CDK13: variants seen among roughly 807,000 people sequenced by gnomAD.
CDK13 encodes cyclin dependent kinase 13.
Under a neutral mutation model 137.6 loss-of-function variants are expected in CDK13, and 40 were observed. The ratio of observed to expected loss-of-function variants is 0.29; its 90% CI spans 0.23 to 0.38. The LOEUF is 0.38. Ranked by LOEUF, CDK13 falls within the 10% of genes least tolerant of loss-of-function variation. The pLI, the probability that CDK13 is intolerant of heterozygous loss-of-function variation, is 1.00. For synonymous variants in CDK13, 869 were observed against 760.1 expected (o/e 1.14, Z -2.36); for missense variants, 1,704 against 1,951.8 (o/e 0.87, Z 2.39).
chr7:39,956,317 G>T (rs1787406694), intron 1 of CDK13, among the ~76,000 whole-genome samples: 1 of 152,150 alleles, frequency 6.6e-6, no homozygotes, highest in Non-Finnish European at 1.5e-5. Context: ...CAAAGTGATG[G>T]CCTTGTGTTT....
intron 3 of CDK13, 133 bp downstream of exon 3, chr7:39,997,797 A>T: frequency 1.5e-6 from 1 of 664,602 alleles, no homozygotes; most frequent in Admixed American, 3.6e-5. Flanking sequence ...TATGAATTCT[A>T]TTAGAGTTTT....
At position 40,094,534 on chromosome 7, in the gene CDK13, C is replaced by T. The variant is rs780622290; in HGVS notation, c.4093C>T (p.Arg1365Ter). ...AAGCAGTTCTGCTCCACCACTAGAA[C>T]GACGTAGTTTCATTGGAAATTCAGA... is the stretch of plus-strand genomic sequence containing the variant. ...LGSSSAPPLE[R>*]RSFIGNSDIQ... The change falls in exon 14 of 14, where the codon CGA becomes TGA. Residue 1365 changes from arginine (R) to a stop codon, truncating the protein, a stop_gained. Coordinates refer to ENST00000181839, the MANE Select transcript of CDK13 (RefSeq NM_003718.5). LOFTEE classifies it high-confidence loss of function. 1.2e-6 allele frequency: 2 copies of T among 1,611,804 alleles called. No individual in the cohort carries two copies. The highest frequency in any genetic ancestry group is 1.1e-5 in the South Asian group (1 of 90,854).
intron 7 of CDK13, among the ~76,000 whole-genome samples, chr7:40,052,852 C>T (rs556319595): frequency 6.6e-6 from 1 of 152,272 alleles, no homozygotes; most frequent in East Asian, 1.9e-4. Flanking sequence ...AGAAGGTGAT[C>T]TTCATCTGGA....
intron 5 of CDK13, among the ~76,000 whole-genome samples, chr7:40,004,875 ACAT>A (rs1313830312): frequency 7.2e-5 from 11 of 152,212 alleles, no homozygotes; most frequent in African/African-American, 2.7e-4. Context: ...TGTAAGAGAA[ACAT>A]CATAAATGCC....
rs11548117 is a variant in CDK13, at chr7:39,951,571, C to T, written c.930C>T (p.Tyr310=). 3.2e-3 allele frequency: 4,787 copies of T among 1,518,124 alleles called. 138 individuals are homozygous for T. In the African/African-American group the frequency reaches 0.061, roughly 19 times the overall value. 94.0% of individuals were successfully genotyped at this position (1,518,124 alleles called of 1,614,324 possible). The change falls in exon 1 of 14, where the codon TAC becomes TAT. Residue 310 remains tyrosine (Y), a synonymous_variant. Coordinates refer to ENST00000181839, the MANE Select transcript of CDK13 (RefSeq NM_003718.5). ...YREDKTEPKA[Y]RRRRSLSPLG... ...AGGACAAGACCGAGCCTAAGGCCTACAGGCGGCGGCGGTCCCTCAGCCCAC... is the reference window on the plus strand; with the variant it reads ...AGGACAAGACCGAGCCTAAGGCCTATAGGCGGCGGCGGTCCCTCAGCCCAC...
At position 39,951,427 on chromosome 7, in the gene CDK13, G is replaced by C. The variant is rs1038762671; in HGVS notation, c.786G>C (p.Ser262=). The C allele has an allele frequency of 1.3e-6, 2 of 1,527,688 alleles. No individual in the cohort carries two copies. The highest frequency in any genetic ancestry group is 1.8e-6 in the Non-Finnish European group (2 of 1,138,818). The allele number at this position is 1,527,688 out of a possible 1,614,324, so 94.6% of individuals were successfully genotyped here. A position where few individuals can be genotyped will look rare whatever the true frequency, so the allele number is the denominator to read the frequency against. Residue 262 remains serine, a synonymous_variant, in exon 1 of 14, where the codon TCG becomes TCC. Transcript: ENST00000181839. ...GCGGCGGCCGCCGGAAAAGCGCTTC[G>C]GCCACATCCAGCAGCAGTAGCAGCC... ...SSSGGRRKSA[S]ATSSSSSSRK...
chr7:39,951,567 C>A lies in CDK13; in HGVS notation c.926C>A (p.Ala309Asp). 6.6e-7 allele frequency: 1 copy of A among 1,523,896 alleles called. No individual in the cohort carries two copies. Among genetic ancestry groups the A allele is most frequent in the Non-Finnish European group, 8.8e-7 (1 of 1,137,816 alleles). The allele number at this position is 1,523,896 out of a possible 1,614,324, so 94.4% of individuals were successfully genotyped here. A position where few individuals can be genotyped will look rare whatever the true frequency, so the allele number is the denominator to read the frequency against. Residue 309 changes from alanine (A) to aspartate (D), a missense_variant, in exon 1 of 14, where the codon GCC (alanine) becomes GAC (aspartate). Physicochemically the swap from Ala to Asp is moderately radical, Grantham distance 126. Transcript: ENST00000181839. ...CGGGAGGACAAGACCGAGCCTAAGG[C>A]CTACAGGCGGCGGCGGTCCCTCAGC... ...AYREDKTEPKAYRRRRSLSPL... is the reference protein window; with the variant it reads ...AYREDKTEPKDYRRRRSLSPL...
intron 5 of CDK13, among the ~76,000 whole-genome samples, chr7:40,039,167 C>T (rs949516572): frequency 1.3e-5 from 2 of 151,998 alleles, no homozygotes; most frequent in Admixed American, 1.3e-4. Context: ...GCACTTTGCT[C>T]TTTTTTCGGA....
intron 7 of CDK13, among the ~76,000 whole-genome samples, chr7:40,058,752 C>A (rs1009410709): frequency 3.3e-5 from 5 of 151,946 alleles, no homozygotes; most frequent in Non-Finnish European, 7.4e-5. Context: ...AAGAATGACA[C>A]TTGGATTTTT....
chr7:40,055,690 T>G (rs1786004490), intron 7 of CDK13, among the ~76,000 whole-genome samples: 1 of 151,494 alleles, frequency 6.6e-6, no homozygotes, highest in Non-Finnish European at 1.5e-5. Flanking sequence ...GCAATTCTCA[T>G]GCCTCAGCCT....
At chr7:40,072,313 G>A (rs750110894) in intron 9 of CDK13, 4 of 152,250 alleles carry the variant, frequency 2.6e-5, no homozygotes, top group Non-Finnish European at 5.9e-5. Flanking sequence ...TTTCAGTAGA[G>A]ACAGGGTTTT....
At chr7:40,021,410 C>T (rs897263249) in intron 5 of CDK13, among the ~76,000 whole-genome samples, 1 of 151,952 alleles carries the variant, frequency 6.6e-6, no homozygotes. Flanking sequence ...GCAGGAGAAT[C>T]GCTTGAATCC....
At chr7:39,963,281 G>C (rs1021165521) in intron 1 of CDK13, among the ~76,000 whole-genome samples, 2 of 152,122 alleles carry the variant, frequency 1.3e-5, no homozygotes, top group African/African-American at 4.8e-5. Flanking sequence ...CCATTTGTTT[G>C]TGTCCTCTTT....
chr7:39,951,162 C>T lies in CDK13; in HGVS notation c.521C>T (p.Thr174Met), dbSNP rs995209864. Residue 174 changes from threonine to methionine, a missense_variant, in exon 1 of 14, where the codon ACG becomes ATG. Thr to Met is a moderately conservative substitution (Grantham distance 81). Coordinates refer to ENST00000181839, the MANE Select transcript of CDK13 (RefSeq NM_003718.5). ...ACGGCGGCGACGGCTGCCGGGGGAA[C>T]GGGGGGCAGCGGCGGGAGTCCGGCC... ...AATAATAAGG[T>M]GGSGGSPASS... 1.4e-4 allele frequency: 178 copies of T among 1,241,958 alleles called. No homozygotes were observed. The highest frequency in any genetic ancestry group is 1.7e-4 in the Non-Finnish European group (172 of 994,762). 76.9% of individuals were successfully genotyped at this position (1,241,958 alleles called of 1,614,324 possible).
At chr7:40,014,580 G>C (rs1463350702) in intron 5 of CDK13, among the ~76,000 whole-genome samples, 1 of 150,034 alleles carries the variant, frequency 6.7e-6, no homozygotes, top group Non-Finnish European at 1.5e-5. Context: ...TCAGCCTCCC[G>C]AGGAGCTGGG....
chr7:40,082,246 T>C lies in CDK13; in HGVS notation c.3029+3395T>C, dbSNP rs187193128. On this transcript the variant is annotated intron_variant, in intron 11 of 13. Coordinates refer to ENST00000181839, the MANE Select transcript of CDK13 (RefSeq NM_003718.5). ...GCTCACGCCTGTAATCCCAGCACTTTGGGAGGCCAAGGCGGATAGATCACA... is the reference window on the plus strand; with the variant it reads ...GCTCACGCCTGTAATCCCAGCACTTCGGGAGGCCAAGGCGGATAGATCACA... 4.5e-3 allele frequency among the ~76,000 whole-genome samples: 680 copies of C among 151,872 alleles called. 4 individuals carry two copies. The highest frequency in any genetic ancestry group is 6.9e-3 in the Non-Finnish European group (469 of 67,908).
rs762594354 is a variant in CDK13 at position 40,093,244 on chromosome 7, G to A, written c.3688+7G>A. ...CCTAGCACTCCGGTGTCGGGTAAGT[G>A]TGCAGATACCAGACCACTAACACAG... On this transcript the variant is annotated splice_region_variant and intron_variant, in intron 13 of 13. Transcript: ENST00000181839. 25 of 1,602,530 alleles carry A rather than the reference G, an allele frequency of 1.6e-5. No individual in the cohort carries two copies. Among genetic ancestry groups the A allele is most frequent in the Non-Finnish European group, 2.0e-5 (24 of 1,173,570 alleles).
intron 1 of CDK13, among the ~76,000 whole-genome samples, chr7:39,972,799 C>T (rs1291463203): frequency 1.3e-5 from 2 of 152,110 alleles, no homozygotes; most frequent in Non-Finnish European, 1.5e-5. Flanking sequence ...ATTTGTTTTT[C>T]TCTTGAGCAT....
Position 40,094,896 on chromosome 7 carries a change from C to G in CDK13, c.4455C>G (p.Ala1485=). 6.6e-7 allele frequency: 1 copy of G among 1,510,302 alleles called. No homozygotes were observed. The highest frequency in any genetic ancestry group is 8.8e-7 in the Non-Finnish European group (1 of 1,130,818). 93.6% of individuals were successfully genotyped at this position (1,510,302 alleles called of 1,614,324 possible). A position where few individuals can be genotyped will look rare whatever the true frequency, so the allele number is the denominator to read the frequency against. ...ATGGACAGACCTGGACTTCTCCTGC[C>G]CAAGGACCTGGATATTCACAAGGAT... The part of the protein sequence containing the change: ...LMHGQTWTSP[A]QGPGYSQGYR... Residue 1485 remains alanine (A), a synonymous_variant, in exon 14 of 14, where the codon GCC becomes GCG. Transcript: ENST00000181839.
Sources: gnomAD v4.1 joint callset for allele counts (sites outside exome capture counted in the v4.1 genomes callset) on GRCh38, gnomAD v4.1.1 for gene constraint, MANE v1.5 for transcripts, NCBI Gene and HGNC (gene_info 2026-07-23, HGNC 2026-07-21) for gene names.